Variants in PAXIP1 observed in about 807,000 individuals in gnomAD.
PAXIP1 encodes PAX interacting protein 1, also known as PAX-interacting protein 1.
Under a neutral mutation model 140.6 loss-of-function variants are expected in PAXIP1, and 19 were observed. That is an observed-to-expected ratio of 0.14 (90% CI 0.09 to 0.20). The LOEUF (loss-of-function observed/expected upper bound fraction) is 0.20. PAXIP1 is among the 10% of genes least tolerant of loss of function. PAXIP1 has a pLI of 1.00. For synonymous variants in PAXIP1, 442 were observed against 444.6 expected, an observed-to-expected ratio of 0.99 and a Z score of 0.07; for missense variants, 920 against 1,208.6, an observed-to-expected ratio of 0.76 and a Z score of 3.54.
At position 154,946,619 on chromosome 7, in the gene PAXIP1, C is replaced by T. The variant is rs373308839; in HGVS notation, c.3058-32G>A. The T allele has an allele frequency of 3.1e-5, 50 of 1,613,170 alleles. No homozygotes were observed. In the East Asian group the frequency reaches 4.9e-4, roughly 16 times the overall value. ...AAAAGAAAATGAGTTTCTCAGTGAC[C>T]GAACGCTGAATGTGATACAGGGCAA... On this transcript the variant is annotated intron_variant, in intron 18 of 20. Transcript: ENST00000404141. This position sits in a 1 kb window ranked among gnomAD's most constrained non-coding sequence, Gnocchi z 4.9.
rs1393266729 is a variant in PAXIP1, at chr7:154,986,737, A to G, written c.325-3405T>C. On this transcript the variant is annotated intron_variant, in intron 4 of 20. Transcript: ENST00000404141. The surrounding 1 kb of genome is among the most constrained non-coding windows in gnomAD (Gnocchi z 4.8). Reference sequence around the variant, plus strand: ...TGAACAATCTTTCTCAACTTAAAAGAAATGCTTTTATTTTACCCCATGACA... The same window carrying G: ...TGAACAATCTTTCTCAACTTAAAAGGAATGCTTTTATTTTACCCCATGACA... Among the ~76,000 whole-genome samples, 1 of 152,188 alleles carries G rather than the reference A, an allele frequency of 6.6e-6. No homozygotes were observed. The highest frequency in any genetic ancestry group is 2.4e-5 in the African/African-American group (1 of 41,442).
intron 1 of PAXIP1, among the ~76,000 whole-genome samples, chr7:154,999,312 C>T (rs1810780615): frequency 6.6e-6 from 1 of 152,188 alleles, no homozygotes. Flanking sequence ...AATGGGCTTT[C>T]TTACACACTA....
In PAXIP1 at chr7:154,973,479, G is replaced by C. The variant is rs1010566125; in HGVS notation, c.1074+2217C>G. On this transcript the variant is annotated intron_variant, in intron 6 of 20. Coordinates refer to ENST00000404141, the MANE Select transcript of PAXIP1 (RefSeq NM_007349.4). This position sits in a 1 kb window ranked among gnomAD's most constrained non-coding sequence, Gnocchi z 4.0. ...AAAATCTTCTATTCTCCTCAAACCC[G>C]ATGACCTTCTCTCTCTGCTCACCTT... Among the ~76,000 whole-genome samples the C allele has an allele frequency of 1.3e-5, 2 of 152,052 alleles. No individual in the cohort carries two copies. Among genetic ancestry groups the C allele is most frequent in the African/African-American group, 4.8e-5 (2 of 41,396 alleles).
intron 5 of PAXIP1, among the ~76,000 whole-genome samples, chr7:154,979,018 GTT>G (rs1477156516): frequency 1.3e-5 from 2 of 152,166 alleles, no homozygotes; most frequent in Admixed American, 1.3e-4. Context: ...TTTCACTCAA[GTT>G]TTCTCTCGCT....
At chr7:154,970,585 G>T (rs1809255372) in intron 6 of PAXIP1, among the ~76,000 whole-genome samples, 2 of 152,222 alleles carry the variant, frequency 1.3e-5, no homozygotes, top group Admixed American at 1.3e-4. Flanking sequence ...ATATTTAAAA[G>T]TATTTTTAAA....
chr7:154,966,301 G>T (rs1408739748), intron 8 of PAXIP1, among the ~76,000 whole-genome samples: 2 of 152,066 alleles, frequency 1.3e-5, no homozygotes, highest in East Asian at 3.9e-4. Flanking sequence ...ATCTGTCCAC[G>T]TTTCCCCTCC....
Position 154,975,777 on chromosome 7 carries a change from C to A in PAXIP1, c.993G>T (p.Trp331Cys). Reference protein sequence around the residue: ...SSERSEMIATWSPAVRTLRNI... With the variant: ...SSERSEMIATCSPAVRTLRNI... ...TCCTCAGTGTCCGTACAGCTGGACT[C>A]CAGGTAGCTATCATTTCTGATCTTT... The change falls in exon 6 of 21, where the codon TGG becomes TGT. Residue 331 changes from tryptophan to cysteine, a missense_variant. Coordinates refer to ENST00000404141, the MANE Select transcript of PAXIP1 (RefSeq NM_007349.4). 6.2e-7 allele frequency: 1 copy of A among 1,613,848 alleles called. No homozygotes were observed. The highest frequency in any genetic ancestry group is 8.5e-7 in the Non-Finnish European group (1 of 1,179,790).
In PAXIP1 at chr7:154,963,087, C is replaced by A. The variant is rs1179256396; in HGVS notation, c.1989+584G>T. 1.3e-5 allele frequency among the ~76,000 whole-genome samples: 2 copies of A among 152,196 alleles called. No homozygotes were observed. Among genetic ancestry groups the A allele is most frequent in the Non-Finnish European group, 2.9e-5 (2 of 68,034 alleles). On this transcript the variant is annotated intron_variant, in intron 9 of 20. Transcript: ENST00000404141. The surrounding 1 kb of genome is among the most constrained non-coding windows in gnomAD (Gnocchi z 4.1). ...GACCTGGTCTTTACACGCTTGTGTG[C>A]AAGTCACACACCAGTACAGAATCCT...
intron 12 of PAXIP1, 137 bp downstream of exon 12, chr7:154,960,756 A>G (rs915242963): frequency 3.1e-6 from 2 of 635,638 alleles, no homozygotes; most frequent in African/African-American, 1.9e-5. Flanking sequence ...AGAGTATAGA[A>G]AAGAAATTGG....
At chr7:154,948,723 C>T (rs1808121591) in intron 16 of PAXIP1, 1 of 151,530 alleles carries the variant, frequency 6.6e-6, no homozygotes, top group African/African-American at 2.4e-5. Flanking sequence ...ATCTCCAGTC[C>T]TAGAAAGACA....
At chr7:154,990,175 G>A (rs1428529015) in intron 4 of PAXIP1, among the ~76,000 whole-genome samples, 1 of 151,550 alleles carries the variant, frequency 6.6e-6, no homozygotes, top group Non-Finnish European at 1.5e-5. Context: ...CCAAGTAGCT[G>A]CGATTACAGG....
intron 10 of PAXIP1, among the ~76,000 whole-genome samples, chr7:154,962,049 CAAGACAT>C (rs1407334888): frequency 7.6e-4 from 115 of 152,302 alleles, no homozygotes; most frequent in African/African-American, 2.7e-3. Context: ...GCCTTTGGTG[CAAGACAT>C]CTGATTTATT....
chr7:154,968,898 T>G lies in PAXIP1; in HGVS notation c.1303A>C (p.Ile435Leu). The G allele has an allele frequency of 8.6e-7, 1 of 1,157,056 alleles. No individual in the cohort carries two copies. Among genetic ancestry groups the G allele is most frequent in the Non-Finnish European group, 1.3e-6 (1 of 795,330 alleles). 71.7% of individuals were successfully genotyped at this position (1,157,056 alleles called of 1,614,324 possible). A position where few individuals can be genotyped will look rare whatever the true frequency, so the allele number is the denominator to read the frequency against. ...MQLQQQQQQQ[I>L]SQQPYPQQPP... ...TGCTGGGGGTAAGGTTGCTGAGAGA[T>G]CTGCTGCTGCTGCTGCTGCTGGAGC... The change falls in exon 7 of 21, where the codon ATC (isoleucine) becomes CTC (leucine). Residue 435 changes from isoleucine (I) to leucine (L), a missense_variant. Physicochemically the swap from Ile to Leu is conservative, Grantham distance 5 (BLOSUM62 2). Coordinates refer to ENST00000404141, the MANE Select transcript of PAXIP1 (RefSeq NM_007349.4).
At chr7:154,975,172 A>G (rs1809514744) in intron 6 of PAXIP1, among the ~76,000 whole-genome samples, 1 of 143,474 alleles carries the variant, frequency 7.0e-6, no homozygotes, top group African/African-American at 2.5e-5. Context: ...AAAAAAAAAA[A>G]ACAAAAACAA....
chr7:154,987,869 T>C (rs1242197342), intron 4 of PAXIP1, among the ~76,000 whole-genome samples: 1 of 152,170 alleles, frequency 6.6e-6, no homozygotes, highest in Admixed American at 6.5e-5. Context: ...CTACCCTGAA[T>C]CCCATCTCCA....
In PAXIP1 at chr7:154,963,755, T is replaced by A. The variant is rs1391126549; in HGVS notation, c.1905A>T (p.Ala635=). 2 of 1,612,640 alleles carry A rather than the reference T, an allele frequency of 1.2e-6. No individual in the cohort carries two copies. Among genetic ancestry groups the A allele is most frequent in the Non-Finnish European group, 1.7e-6 (2 of 1,179,184 alleles). The change falls in exon 9 of 21, where the codon GCA becomes GCT. Residue 635 remains alanine, a synonymous_variant. Transcript: ENST00000404141. This position sits in a 1 kb window ranked among gnomAD's most constrained non-coding sequence, Gnocchi z 4.1. The stretch of plus-strand genomic sequence containing the variant: ...AGGTGGGGTCAACAGTGCCGCCATG[T>A]GCCTGGATTATCTACACACAAAGAC... The part of the protein sequence containing the change: ...LLATWKRIIQ[A]HGGTVDPTFT...
intron 5 of PAXIP1, among the ~76,000 whole-genome samples, chr7:154,976,887 G>A (rs1449342306): frequency 2.6e-5 from 4 of 152,330 alleles, no homozygotes; most frequent in African/African-American, 9.6e-5. Context: ...GATGCAACAA[G>A]TCTCTGACCT....
chr7:154,947,811 G>T, intron 17 of PAXIP1, 92 bp downstream of exon 17: 2 of 902,250 alleles, frequency 2.2e-6, no homozygotes, highest in Non-Finnish European at 3.8e-6. Context: ...TCCCCTGGAG[G>T]CGCACTTCCC....
At chr7:154,947,702 G>T in intron 17 of PAXIP1, 1 of 523,232 alleles carries the variant, frequency 1.9e-6, no homozygotes, top group Non-Finnish European at 3.4e-6. Context: ...GTAAAGAAAA[G>T]TTCTCTAGAG....
Sources: gnomAD v4.1 joint callset for allele counts (sites outside exome capture counted in the v4.1 genomes callset) on GRCh38, gnomAD v4.1.1 for gene constraint, Gnocchi (gnomAD v3.1) non-coding constraint, MANE v1.5 for transcripts, NCBI Gene and HGNC (gene_info 2026-07-23, HGNC 2026-07-21) for gene names.